The following HECW2 variants were observed in gnomAD, a reference collection of about 807,000 sequenced individuals.
HECW2 encodes HECT, C2 and WW domain containing E3 ubiquitin protein ligase 2, also known as E3 ubiquitin-protein ligase HECW2.
A neutral mutation model predicts 175.2 loss-of-function variants in HECW2; 61 were observed. That is an observed-to-expected ratio of 0.35 (90% CI 0.28 to 0.43). The LOEUF is 0.43. Among genes scored for constraint, HECW2 ranks in the 20% least tolerant of loss-of-function variants. HECW2 has a pLI of 1.00. For missense variants in HECW2, 1,524 were observed against 2,000.5 expected (o/e 0.76, Z 4.54); for synonymous variants, 671 against 731.0 (o/e 0.92, Z 1.32).
chr2:196,349,090 C>T (rs1693071341), intron 2 of HECW2, among the ~76,000 whole-genome samples: 1 of 152,220 alleles, frequency 6.6e-6, no homozygotes, highest in Admixed American at 6.5e-5. Context: ...CTCCACCAGT[C>T]ACTTTCTGTC....
chr2:196,539,341 C>A (rs1238577009), intron 1 of HECW2, among the ~76,000 whole-genome samples: 1 of 152,178 alleles, frequency 6.6e-6, no homozygotes, highest in East Asian at 1.9e-4. Flanking sequence ...TAAACAAATA[C>A]TTTTACGTAG....
chr2:196,317,871 T>C (rs1691762231), intron 9 of HECW2, among the ~76,000 whole-genome samples: 1 of 152,206 alleles, frequency 6.6e-6, no homozygotes, highest in Admixed American at 6.5e-5. Flanking sequence ...GAGAGCTGCA[T>C]TCACTGAGCG....
chr2:196,252,178 A>AAATAATAATGATAAT (rs1688878276), intron 19 of HECW2, among the ~76,000 whole-genome samples: 1 of 133,250 alleles, frequency 7.5e-6, no homozygotes, highest in Non-Finnish European at 1.6e-5. Flanking sequence ...CTCCGATTCA[A>AAATAATAATGATAAT]AATAATAATA....
At chr2:196,532,867 T>G (rs78228492) in intron 1 of HECW2, among the ~76,000 whole-genome samples, 1 of 152,150 alleles carries the variant, frequency 6.6e-6, no homozygotes, top group Non-Finnish European at 1.5e-5. Context: ...ACACATTAAT[T>G]TGGCATAACT....
Position 196,200,456 on chromosome 2 carries a change from G to C in HECW2, c.*821C>G, listed in dbSNP as rs1383059921. ...ATGAGTGATACATACAGCATGATAGGTAGGTTCTTATATACATCTTAAAGA... is the reference window on the plus strand; with the variant it reads ...ATGAGTGATACATACAGCATGATAGCTAGGTTCTTATATACATCTTAAAGA... On this transcript the variant is annotated 3_prime_UTR_variant, in exon 29 of 29. Transcript: ENST00000644978. 7 of 152,568 alleles carry C rather than the reference G, an allele frequency of 4.6e-5. No individual in the cohort carries two copies. Among genetic ancestry groups the C allele is most frequent in the Admixed American group, 3.9e-4 (6 of 15,264 alleles). 9.5% of individuals were successfully genotyped at this position (152,568 alleles called of 1,614,324 possible).
At chr2:196,581,434 T>C (rs1213547153) in intron 1 of HECW2, among the ~76,000 whole-genome samples, 2 of 152,066 alleles carry the variant, frequency 1.3e-5, no homozygotes, top group African/African-American at 4.8e-5. Context: ...CTCAGGAGGC[T>C]GAGGCATGAG....
intron 1 of HECW2, among the ~76,000 whole-genome samples, chr2:196,493,891 T>C (rs552973846): frequency 2.8e-4 from 43 of 152,308 alleles, no homozygotes; most frequent in Middle Eastern, 3.4e-3. Flanking sequence ...ACCTGCACAG[T>C]GCTAGACTAC....
chr2:196,457,065 G>A (rs1290658651), intron 1 of HECW2, among the ~76,000 whole-genome samples: 1 of 152,202 alleles, frequency 6.6e-6, no homozygotes, highest in Non-Finnish European at 1.5e-5. Flanking sequence ...GAAATAGAAA[G>A]TATCTGGAAA....
chr2:196,449,730 C>G (rs1181155199), intron 1 of HECW2, among the ~76,000 whole-genome samples: 1 of 152,104 alleles, frequency 6.6e-6, no homozygotes, highest in Non-Finnish European at 1.5e-5. Flanking sequence ...ATAATAATTT[C>G]AAATGAATTA....
At chr2:196,294,110 C>A (rs1182770072) in intron 13 of HECW2, among the ~76,000 whole-genome samples, 1 of 152,152 alleles carries the variant, frequency 6.6e-6, no homozygotes, top group Middle Eastern at 3.2e-3. Flanking sequence ...CACTATACCA[C>A]CACACAGAAA....
At chr2:196,343,803 A>G (rs1457844727) in intron 2 of HECW2, 39 bp from the exon 3 acceptor site, 2 of 1,262,854 alleles carry the variant, frequency 1.6e-6, no homozygotes, top group Non-Finnish European at 1.2e-6. Flanking sequence ...ATTAATTATA[A>G]CCTTTCTCTC....
At chr2:196,436,618 T>G (rs1239046442) in intron 1 of HECW2, among the ~76,000 whole-genome samples, 1 of 152,098 alleles carries the variant, frequency 6.6e-6, no homozygotes, top group African/African-American at 2.4e-5. Context: ...TTGTTTTCAG[T>G]GAAAGAACAA....
intron 1 of HECW2, among the ~76,000 whole-genome samples, chr2:196,531,172 A>C (rs187499799): frequency 6.6e-6 from 1 of 152,312 alleles, no homozygotes; most frequent in Non-Finnish European, 1.5e-5. Context: ...ATGAGTGATC[A>C]AGATAAAAAG....
At chr2:196,529,050 G>A (rs1329941179) in intron 1 of HECW2, among the ~76,000 whole-genome samples, 1 of 152,166 alleles carries the variant, frequency 6.6e-6, no homozygotes, top group African/African-American at 2.4e-5. Flanking sequence ...ATCAAATGAG[G>A]CTGAAGCTTA....
In HECW2 at chr2:196,511,283, C is replaced by A. The variant is rs548780981; in HGVS notation, c.-35-77825G>T. ...TAAATTCCTAAATGTGAAATCACAACCTCAAAAAATATAATTAAATGATGT... is the reference window on the plus strand; with the variant it reads ...TAAATTCCTAAATGTGAAATCACAAACTCAAAAAATATAATTAAATGATGT... On this transcript the variant is annotated intron_variant, in intron 1 of 28. Transcript: ENST00000644978. Among the ~76,000 whole-genome samples, 21 of 152,192 alleles carry A rather than the reference C, an allele frequency of 1.4e-4. No individual in the cohort carries two copies. In the South Asian group the frequency reaches 4.4e-3, roughly 32 times the overall value.
intron 21 of HECW2, among the ~76,000 whole-genome samples, chr2:196,231,092 C>CGA (rs1688038477): frequency 1.8e-5 from 1 of 55,338 alleles, no homozygotes; most frequent in East Asian, 5.8e-4. Flanking sequence ...GACTCCGTCT[C>CGA]AAAAAAAAAA....
chr2:196,252,778 A>G lies in HECW2; in HGVS notation c.3529+1142T>C, dbSNP rs543206333. Among the ~76,000 whole-genome samples, 90 of 152,282 alleles carry G rather than the reference A, an allele frequency of 5.9e-4. 3 individuals are homozygous for G. The South Asian group carries it at 0.016, about 27-fold the overall frequency. ...CCTAACACATCACTCCCTTCACTAG[A>G]ATGTCCTTCTTTCTTTGGTCCACCT... On this transcript the variant is annotated intron_variant, in intron 19 of 28. Coordinates refer to ENST00000644978, the MANE Select transcript of HECW2 (RefSeq NM_001348768.2).
Position 196,497,967 on chromosome 2 carries a change from T to C in HECW2, c.-35-64509A>G, listed in dbSNP as rs149630254. On this transcript the variant is annotated intron_variant, in intron 1 of 28. Coordinates refer to ENST00000644978, the MANE Select transcript of HECW2 (RefSeq NM_001348768.2). ...ACTTTGTTGAACCTAAGCATGAAAA[T>C]AGAGAATTTCATCTCCATCTTTGGA... is the stretch of plus-strand genomic sequence containing the variant. Among the ~76,000 whole-genome samples the C allele has an allele frequency of 8.1e-3, 1,228 of 152,338 alleles. 10 individuals are homozygous for C. The highest frequency in any genetic ancestry group is 0.011 in the Non-Finnish European group (779 of 68,022).
intron 1 of HECW2, among the ~76,000 whole-genome samples, chr2:196,483,619 A>T (rs1199820834): frequency 1.3e-5 from 2 of 152,210 alleles, no homozygotes; most frequent in African/African-American, 4.8e-5. Context: ...AAGTCTTACC[A>T]AAAATATCAA....
Sources: gnomAD v4.1 joint callset for allele counts (sites outside exome capture counted in the v4.1 genomes callset) on GRCh38, gnomAD v4.1.1 for gene constraint, MANE v1.5 for transcripts, NCBI Gene and HGNC (gene_info 2026-07-23, HGNC 2026-07-21) for gene names.